LRRC4C: variants seen among roughly 807,000 people sequenced by gnomAD.
LRRC4C encodes the protein leucine rich repeat containing 4C.
In LRRC4C, 5 loss-of-function variants were observed where a neutral mutation model predicts 33.6. That is an observed-to-expected ratio of 0.15 (90% CI 0.08 to 0.31). The LOEUF (loss-of-function observed/expected upper bound fraction) is 0.31, where lower values mean the gene tolerates loss of function less well. Among genes scored for constraint, LRRC4C ranks in the 10% least tolerant of loss-of-function variants. LRRC4C has a pLI of 1.00. For synonymous variants in LRRC4C, 329 were observed against 302.0 expected, an observed-to-expected ratio of 1.09 and a Z score of -0.93; for missense variants, 560 against 796.7, an observed-to-expected ratio of 0.70 and a Z score of 3.58.
chr11:41,285,042 A>T (rs1166862906), intron 1 of LRRC4C, among the ~76,000 whole-genome samples: 3 of 152,218 alleles, frequency 2.0e-5, no homozygotes, highest in South Asian at 4.1e-4. Context: ...CTTATATTAA[A>T]TACAAGGGGA....
intron 2 of LRRC4C, among the ~76,000 whole-genome samples, chr11:40,898,213 G>A (rs1338530567): frequency 6.6e-6 from 1 of 151,708 alleles, no homozygotes; most frequent in Non-Finnish European, 1.5e-5. Context: ...AATTAGCCAG[G>A]CGTAGTGATG....
At chr11:40,450,631 T>C (rs1282713338) in intron 3 of LRRC4C, among the ~76,000 whole-genome samples, 1 of 152,014 alleles carries the variant, frequency 6.6e-6, no homozygotes, top group Non-Finnish European at 1.5e-5. Flanking sequence ...TTGGAGCCTG[T>C]TAGAAAGTAT....
chr11:41,081,841 A>C (rs1939594918), intron 1 of LRRC4C, among the ~76,000 whole-genome samples: 1 of 152,192 alleles, frequency 6.6e-6, no homozygotes, highest in Middle Eastern at 3.2e-3. Context: ...TGTCATTATA[A>C]TTCAGCCAAA....
rs376138045 is a variant in LRRC4C, at chr11:40,114,776, G to C, written c.1517C>G (p.Thr506Ser). The change falls in exon 7 of 7, where the codon ACC becomes AGC. Residue 506 changes from threonine to serine, a missense_variant. Physicochemically the swap from Thr to Ser is moderately conservative, Grantham distance 58. Transcript: ENST00000528697. The stretch of plus-strand genomic sequence containing the variant: ...ACTGTTTATATCAGTCACTGGGATG[G>C]TGAAGGTTTTCTCTGTCGACCTTGT... ...QSTRSTEKTFTIPVTDINSGI... is the reference protein window; with the variant it reads ...QSTRSTEKTFSIPVTDINSGI... 8 of 1,614,146 alleles carry C rather than the reference G, an allele frequency of 5.0e-6. No homozygotes were observed. The highest frequency in any genetic ancestry group is 6.8e-6 in the Non-Finnish European group (8 of 1,180,010).
Position 41,066,778 on chromosome 11 carries a change from G to T in LRRC4C, c.-495-133055C>A, listed in dbSNP as rs142391803. ...CAATATTCAACATTCTTAAAGAAAAGAATTTCCAACCCAGAATTTCATATC... is the reference window on the plus strand; with the variant it reads ...CAATATTCAACATTCTTAAAGAAAATAATTTCCAACCCAGAATTTCATATC... On this transcript the variant is annotated intron_variant, in intron 1 of 6. Coordinates refer to ENST00000528697, the MANE Select transcript of LRRC4C (RefSeq NM_001258419.2). Among the ~76,000 whole-genome samples, 434 of 152,256 alleles carry T rather than the reference G, an allele frequency of 2.9e-3. 5 individuals carry two copies. Among genetic ancestry groups the T allele is most frequent in the African/African-American group, 1.0e-2 (414 of 41,556 alleles).
intron 2 of LRRC4C, among the ~76,000 whole-genome samples, chr11:40,696,261 T>A (rs1403721865): frequency 6.8e-6 from 1 of 147,656 alleles, no homozygotes; most frequent in African/African-American, 2.5e-5. Flanking sequence ...TGAGGTATTA[T>A]CTTCCCTACC....
chr11:40,230,746 A>C (rs1172666379), intron 5 of LRRC4C, among the ~76,000 whole-genome samples: 1 of 152,242 alleles, frequency 6.6e-6, no homozygotes, highest in Non-Finnish European at 1.5e-5. Flanking sequence ...TGTCATCAGC[A>C]GCATGTAGGT....
At chr11:41,238,507 T>C (rs1369982475) in intron 1 of LRRC4C, among the ~76,000 whole-genome samples, 1 of 152,204 alleles carries the variant, frequency 6.6e-6, no homozygotes, top group African/African-American at 2.4e-5. Flanking sequence ...TGTCCTTAGA[T>C]ACACAACTAT....
intron 2 of LRRC4C, among the ~76,000 whole-genome samples, chr11:40,742,517 A>G (rs77502828): frequency 0.014 from 2,148 of 152,144 alleles, 48 homozygotes; most frequent in African/African-American, 0.049. Flanking sequence ...GTCATAAAAA[A>G]GAGAAAATTA....
intron 3 of LRRC4C, among the ~76,000 whole-genome samples, chr11:40,630,867 T>C (rs1963428525): frequency 6.6e-6 from 1 of 152,190 alleles, no homozygotes; most frequent in African/African-American, 2.4e-5. Context: ...TTTTATGATA[T>C]GAAATGTACT....
intron 1 of LRRC4C, among the ~76,000 whole-genome samples, chr11:41,392,528 C>A (rs1953641257): frequency 6.7e-6 from 1 of 150,314 alleles, no homozygotes; most frequent in African/African-American, 2.4e-5. Context: ...AGTGTTACCA[C>A]CCCCATACCC....
intron 3 of LRRC4C, among the ~76,000 whole-genome samples, chr11:40,512,908 G>A (rs949053508): frequency 6.6e-6 from 1 of 152,110 alleles, no homozygotes; most frequent in African/African-American, 2.4e-5. Flanking sequence ...CTGTGTACTA[G>A]GGACACCTGT....
At chr11:40,336,217 C>G (rs557035838) in intron 3 of LRRC4C, among the ~76,000 whole-genome samples, 149 of 152,272 alleles carry the variant, frequency 9.8e-4, no homozygotes, top group African/African-American at 3.4e-3. Flanking sequence ...TTCGCTGAAC[C>G]TCTCTCCTCT....
At chr11:40,263,595 T>C (rs1212545671) in intron 4 of LRRC4C, among the ~76,000 whole-genome samples, 2 of 152,080 alleles carry the variant, frequency 1.3e-5, no homozygotes, top group East Asian at 3.9e-4. Flanking sequence ...GCTCAAGAGA[T>C]CCTCCCATCT....
At chr11:40,554,108 A>ATT (rs1194159655) in intron 3 of LRRC4C, among the ~76,000 whole-genome samples, 1 of 152,062 alleles carries the variant, frequency 6.6e-6, no homozygotes, top group Non-Finnish European at 1.5e-5. Context: ...TCCTGAGTTA[A>ATT]TTTTTTTATA....
intron 1 of LRRC4C, among the ~76,000 whole-genome samples, chr11:41,122,701 A>T (rs1386877129): frequency 6.6e-6 from 1 of 151,996 alleles, no homozygotes; most frequent in Non-Finnish European, 1.5e-5. Context: ...AGGTGTCTTT[A>T]TTGTTAGAAT....
rs534812164 is a variant in LRRC4C, at chr11:41,442,671, G to T, written c.-496+16760C>A. Reference sequence around the variant, plus strand: ...TTTTTAGTAGAGACGGGGTTTCACTGTGTTAGCCAGGATGGTCTCGATCTC... The same window carrying T: ...TTTTTAGTAGAGACGGGGTTTCACTTTGTTAGCCAGGATGGTCTCGATCTC... On this transcript the variant is annotated intron_variant, in intron 1 of 6. Coordinates refer to ENST00000528697, the MANE Select transcript of LRRC4C (RefSeq NM_001258419.2). Among the ~76,000 whole-genome samples, 528 of 151,682 alleles carry T rather than the reference G, an allele frequency of 3.5e-3. 4 individuals are homozygous for T. Among genetic ancestry groups the T allele is most frequent in the African/African-American group, 0.012 (497 of 41,426 alleles).
chr11:40,754,392 A>C (rs767558680), intron 2 of LRRC4C, among the ~76,000 whole-genome samples: 2 of 152,146 alleles, frequency 1.3e-5, no homozygotes, highest in African/African-American at 2.4e-5. Flanking sequence ...CAATATACTA[A>C]GACACCATAG....
chr11:40,861,029 T>G (rs1432217807), intron 2 of LRRC4C, among the ~76,000 whole-genome samples: 1 of 152,152 alleles, frequency 6.6e-6, no homozygotes, highest in Non-Finnish European at 1.5e-5. Context: ...TGTCTTATAA[T>G]TGTAAATTAC....
Sources: allele counts gnomAD v4.1 joint callset (sites outside exome capture counted in the v4.1 genomes callset), GRCh38; gene constraint gnomAD v4.1.1; transcripts MANE v1.5; gene names NCBI Gene and HGNC (gene_info 2026-07-23, HGNC 2026-07-21).